FARS2: variants seen among roughly 807,000 people sequenced by gnomAD.
The protein encoded by FARS2 is phenylalanyl-tRNA synthetase 2, mitochondrial, also known as phenylalanine--tRNA ligase, mitochondrial.
Under a neutral mutation model 46.4 loss-of-function variants are expected in FARS2, and 40 were observed. That is an observed-to-expected ratio of 0.86 (90% CI 0.67 to 1.12). The LOEUF is 1.12. Among genes scored for constraint, FARS2 ranks in the 50% most tolerant of loss-of-function variants. FARS2 has a pLI of 0.00. For synonymous variants in FARS2, 234 were observed against 214.9 expected (o/e 1.09, Z -0.78); for missense variants, 513 against 567.9 (o/e 0.90, Z 0.98).
intron 4 of FARS2, among the ~76,000 whole-genome samples, chr6:5,441,835 G>C (rs935464292): frequency 6.6e-6 from 1 of 152,218 alleles, no homozygotes; most frequent in Non-Finnish European, 1.5e-5. Flanking sequence ...TCCCAAAGTG[G>C]TTGGCCCAAT....
intron 6 of FARS2, among the ~76,000 whole-genome samples, chr6:5,649,577 A>T (rs574004954): frequency 6.6e-6 from 1 of 152,352 alleles, no homozygotes; most frequent in East Asian, 1.9e-4. Flanking sequence ...ACCAGACCAG[A>T]TATTATACTT....
chr6:5,372,420 G>A (rs1399940282), intron 2 of FARS2, among the ~76,000 whole-genome samples: 2 of 152,056 alleles, frequency 1.3e-5, no homozygotes, highest in Admixed American at 6.6e-5. Flanking sequence ...ATATGCAAAT[G>A]TCAGAAGTGT....
intron 6 of FARS2, among the ~76,000 whole-genome samples, chr6:5,642,056 G>A (rs1776846387): frequency 6.6e-6 from 1 of 152,158 alleles, no homozygotes; most frequent in Admixed American, 6.5e-5. Context: ...TTCACTGAAT[G>A]AATAAGATCT....
At chr6:5,330,311 C>G (rs1323184259) in intron 1 of FARS2, among the ~76,000 whole-genome samples, 1 of 151,712 alleles carries the variant, frequency 6.6e-6, no homozygotes, top group Non-Finnish European at 1.5e-5. Flanking sequence ...TCACTTTTTT[C>G]TTTTGTGATT....
At chr6:5,690,808 C>T (rs1384062383) in intron 6 of FARS2, among the ~76,000 whole-genome samples, 3 of 152,204 alleles carry the variant, frequency 2.0e-5, no homozygotes, top group African/African-American at 7.2e-5. Context: ...AACTTGGTTC[C>T]ATTCTCCCCA....
At chr6:5,345,200 T>TA (rs11437782) in intron 1 of FARS2, among the ~76,000 whole-genome samples, 35,287 of 148,688 alleles carry the variant, frequency 0.24, 4,440 homozygotes, top group East Asian at 0.49. Context: ...AATAGTATAA[T>TA]AAAAAAAAAA....
chr6:5,373,209 G>T (rs1317833247), intron 2 of FARS2, among the ~76,000 whole-genome samples: 1 of 152,108 alleles, frequency 6.6e-6, no homozygotes. Flanking sequence ...TCAAATTTAC[G>T]GGAGAGACTT....
chr6:5,343,975 C>T lies in FARS2; in HGVS notation c.-21-24575C>T, dbSNP rs553095045. ...GCACTGCCTGCTTCTGAGGTGTCCTCTGTCTTTGCTGTGAGCGGCGTGACA... is the reference window on the plus strand; with the variant it reads ...GCACTGCCTGCTTCTGAGGTGTCCTTTGTCTTTGCTGTGAGCGGCGTGACA... On this transcript the variant is annotated intron_variant, in intron 1 of 6. Coordinates refer to ENST00000274680, the MANE Select transcript of FARS2 (RefSeq NM_006567.5). The surrounding 1 kb of genome is among the most constrained non-coding windows in gnomAD (Gnocchi z 4.5). Among the ~76,000 whole-genome samples the T allele has an allele frequency of 1.3e-5, 2 of 152,362 alleles. No homozygotes were observed. The highest frequency in any genetic ancestry group is 4.8e-5 in the African/African-American group (2 of 41,590).
intron 5 of FARS2, among the ~76,000 whole-genome samples, chr6:5,607,587 C>A (rs1401480009): frequency 6.6e-6 from 1 of 152,016 alleles, no homozygotes; most frequent in East Asian, 1.9e-4. Context: ...CCATCTCAAG[C>A]AGGAAGGAAG....
intron 6 of FARS2, among the ~76,000 whole-genome samples, chr6:5,643,653 G>C (rs1241233933): frequency 6.6e-6 from 1 of 152,148 alleles, no homozygotes; most frequent in Non-Finnish European, 1.5e-5. Context: ...GAGGTGCTCT[G>C]TACTGGAGGG....
intron 6 of FARS2, among the ~76,000 whole-genome samples, chr6:5,632,273 G>C (rs912056989): frequency 6.6e-6 from 1 of 152,136 alleles, no homozygotes; most frequent in Non-Finnish European, 1.5e-5. Context: ...TGAATCCGAG[G>C]TCTCAGATTC....
intron 1 of FARS2, among the ~76,000 whole-genome samples, chr6:5,284,201 T>G (rs1318256223): frequency 1.3e-5 from 2 of 152,242 alleles, no homozygotes; most frequent in Non-Finnish European, 2.9e-5. Flanking sequence ...CGGGGGATCG[T>G]TCTGTCATTA....
chr6:5,578,606 G>A (rs981999245), intron 5 of FARS2, among the ~76,000 whole-genome samples: 3 of 151,608 alleles, frequency 2.0e-5, no homozygotes, highest in African/African-American at 7.3e-5. Context: ...TCAGGAGATC[G>A]ACACCATCCT....
chr6:5,439,027 G>A (rs1254804891), intron 4 of FARS2, among the ~76,000 whole-genome samples: 1 of 152,150 alleles, frequency 6.6e-6, no homozygotes, highest in Non-Finnish European at 1.5e-5. Context: ...TGTTTTAGTA[G>A]GGTGATCAAC....
chr6:5,714,897 C>T (rs1339520827), intron 6 of FARS2, among the ~76,000 whole-genome samples: 3 of 152,088 alleles, frequency 2.0e-5, no homozygotes, highest in African/African-American at 4.8e-5. Context: ...TGGTGATGGG[C>T]GCCTCTAATC....
intron 3 of FARS2, among the ~76,000 whole-genome samples, chr6:5,410,972 T>C (rs1286105543): frequency 6.6e-6 from 1 of 152,184 alleles, no homozygotes; most frequent in African/African-American, 2.4e-5. Flanking sequence ...TGGTAAGTAT[T>C]TGAGGCAGTT....
At chr6:5,437,654 C>T (rs956431165) in intron 4 of FARS2, among the ~76,000 whole-genome samples, 1 of 152,092 alleles carries the variant, frequency 6.6e-6, no homozygotes, top group African/African-American at 2.4e-5. Context: ...ATTACAATAT[C>T]CATTCCTGTC....
intron 2 of FARS2, among the ~76,000 whole-genome samples, chr6:5,387,191 G>A (rs1760189325): frequency 6.6e-6 from 1 of 152,172 alleles, no homozygotes; most frequent in Admixed American, 6.6e-5. Context: ...AAGAGCCTTT[G>A]GAGAGATTAC....
intron 5 of FARS2, among the ~76,000 whole-genome samples, chr6:5,589,202 C>T (rs1582520459): frequency 6.6e-6 from 1 of 152,106 alleles, no homozygotes; most frequent in East Asian, 1.9e-4. Flanking sequence ...CGTCCTAGGT[C>T]CCCCAACCCC....
Sources: gnomAD v4.1 joint callset for allele counts (sites outside exome capture counted in the v4.1 genomes callset) on GRCh38, gnomAD v4.1.1 for gene constraint, Gnocchi (gnomAD v3.1) non-coding constraint, MANE v1.5 for transcripts, NCBI Gene and HGNC (gene_info 2026-07-23, HGNC 2026-07-21) for gene names.